The following PTPRG variants were observed in gnomAD, a reference collection of about 807,000 sequenced individuals.
The protein encoded by PTPRG is receptor-type tyrosine-protein phosphatase gamma.
In PTPRG, 102 loss-of-function variants were observed where a neutral mutation model predicts 165.3. The ratio of observed to expected loss-of-function variants is 0.62; its 90% CI spans 0.53 to 0.73. The LOEUF is 0.73. Ranked by LOEUF, PTPRG falls within the 30% of genes least tolerant of loss-of-function variation. The pLI is 0.00. For missense variants in PTPRG, 1,866 were observed against 1,861.4 expected, an observed-to-expected ratio of 1.00 and a Z score of -0.05; for synonymous variants, 675 against 669.5, an observed-to-expected ratio of 1.01 and a Z score of -0.13.
chr3:61,759,099 T>G (rs1224605612), intron 2 of PTPRG, among the ~76,000 whole-genome samples: 1 of 152,182 alleles, frequency 6.6e-6, no homozygotes, highest in Non-Finnish European at 1.5e-5. Context: ...CTTCTCTCTC[T>G]CAGCTGGTAA....
chr3:62,273,874 A>C lies in PTPRG; in HGVS notation c.3465+30A>C. ...TGCTTTGAAAAAGTTTCTTTGGCAT[A>C]AAGCAAGAAAATGTTTTAAATGCCT... On this transcript the variant is annotated intron_variant, in intron 23 of 29. Coordinates refer to ENST00000474889, the MANE Select transcript of PTPRG (RefSeq NM_002841.4). The surrounding 1 kb of genome is among the most constrained non-coding windows in gnomAD (Gnocchi z 4.1). 2 of 1,607,400 alleles carry C rather than the reference A, an allele frequency of 1.2e-6. No individual in the cohort carries two copies. Among genetic ancestry groups the C allele is most frequent in the Non-Finnish European group, 1.7e-6 (2 of 1,175,402 alleles).
At chr3:61,853,667 G>A (rs1165525953) in intron 2 of PTPRG, among the ~76,000 whole-genome samples, 1 of 152,218 alleles carries the variant, frequency 6.6e-6, no homozygotes, top group Non-Finnish European at 1.5e-5. Flanking sequence ...GATAATAAAT[G>A]TTTATTGATG....
At chr3:62,129,859 A>G (rs1703448929) in intron 5 of PTPRG, among the ~76,000 whole-genome samples, 1 of 152,204 alleles carries the variant, frequency 6.6e-6, no homozygotes, top group South Asian at 2.1e-4. Context: ...GGAGGAGCAC[A>G]TGAGTTGATC....
intron 13 of PTPRG, among the ~76,000 whole-genome samples, chr3:62,227,851 T>A (rs1009626990): frequency 1.3e-5 from 2 of 152,342 alleles, no homozygotes; most frequent in South Asian, 2.1e-4. Flanking sequence ...CATGTTTTTT[T>A]AAAATCTTGA....
chr3:61,567,218 T>G (rs560297248), intron 1 of PTPRG, among the ~76,000 whole-genome samples: 1 of 152,144 alleles, frequency 6.6e-6, no homozygotes, highest in Non-Finnish European at 1.5e-5. Context: ...CCACCTTTAA[T>G]TTTCCACCTG....
At chr3:61,571,043 C>T (rs978569726) in intron 1 of PTPRG, among the ~76,000 whole-genome samples, 2 of 152,108 alleles carry the variant, frequency 1.3e-5, no homozygotes, top group African/African-American at 4.8e-5. Flanking sequence ...ACAGCATTTA[C>T]CTTGGGCAAA....
chr3:61,732,936 G>A (rs2032572785), intron 1 of PTPRG, among the ~76,000 whole-genome samples: 1 of 152,138 alleles, frequency 6.6e-6, no homozygotes, highest in Non-Finnish European at 1.5e-5. Context: ...ATGCCTTCCT[G>A]TGTAGGCTGT....
At chr3:62,139,192 C>T (rs532770160) in intron 6 of PTPRG, among the ~76,000 whole-genome samples, 44 of 152,106 alleles carry the variant, frequency 2.9e-4, no homozygotes, top group Non-Finnish European at 4.9e-4. Context: ...CAGCTGGGTA[C>T]AGTGGCTCAC....
intron 5 of PTPRG, among the ~76,000 whole-genome samples, chr3:62,122,374 A>T (rs1371628622): frequency 6.6e-6 from 1 of 152,154 alleles, no homozygotes; most frequent in East Asian, 1.9e-4. Context: ...ATGGCCTGTG[A>T]GGTATTGCTT....
At chr3:61,864,915 T>G (rs887587631) in intron 2 of PTPRG, among the ~76,000 whole-genome samples, 5 of 152,200 alleles carry the variant, frequency 3.3e-5, no homozygotes, top group African/African-American at 1.2e-4. Context: ...AGCTCTGTCA[T>G]GATATTTCAA....
chr3:61,925,468 G>T (rs1324259610), intron 2 of PTPRG, among the ~76,000 whole-genome samples: 1 of 152,234 alleles, frequency 6.6e-6, no homozygotes, highest in Non-Finnish European at 1.5e-5. Context: ...TCAGGGCTGG[G>T]TGCAGTGGCT....
intron 2 of PTPRG, among the ~76,000 whole-genome samples, chr3:61,875,332 G>C (rs1432294486): frequency 1.3e-5 from 2 of 152,120 alleles, no homozygotes; most frequent in African/African-American, 4.8e-5. Context: ...GGTGCTGCCT[G>C]GGGATGGTGT....
intron 2 of PTPRG, among the ~76,000 whole-genome samples, chr3:61,900,626 G>T (rs1309710148): frequency 2.0e-5 from 3 of 152,150 alleles, no homozygotes; most frequent in Non-Finnish European, 4.4e-5. Context: ...AAGACAACTG[G>T]AGGCCCATTA....
chr3:62,196,686 G>T (rs957443385), intron 10 of PTPRG, among the ~76,000 whole-genome samples: 2 of 152,144 alleles, frequency 1.3e-5, no homozygotes, highest in African/African-American at 2.4e-5. Context: ...GGTCCTCTTG[G>T]ATCAGGTCCT....
chr3:62,003,454 C>T lies in PTPRG; in HGVS notation c.476C>T (p.Ala159Val), dbSNP rs367774512. The T allele has an allele frequency of 1.9e-5, 31 of 1,613,820 alleles. No individual in the cohort carries two copies. The highest frequency in any genetic ancestry group is 6.7e-5 in the East Asian group (3 of 44,848). The change falls in exon 4 of 30, where the codon GCG becomes GTG. Residue 159 changes from alanine (A) to valine (V), a missense_variant. Physicochemically the swap from Ala to Val is moderately conservative, Grantham distance 64. Coordinates refer to ENST00000474889, the MANE Select transcript of PTPRG (RefSeq NM_002841.4). ...CACTGGGGCCACAGCAATGGCTCAG[C>T]GGGCTCTGAACACAGCATCAATGGC... Reference protein sequence around the residue: ...EFHWGHSNGSAGSEHSINGRR... With the variant: ...EFHWGHSNGSVGSEHSINGRR...
At chr3:61,685,725 C>T (rs1239469124) in intron 1 of PTPRG, among the ~76,000 whole-genome samples, 1 of 152,112 alleles carries the variant, frequency 6.6e-6, no homozygotes, top group East Asian at 1.9e-4. Context: ...TGTTGGGGTC[C>T]CTATTCTGTC....
At chr3:62,231,647 T>C (rs1168449292) in intron 14 of PTPRG, among the ~76,000 whole-genome samples, 2 of 152,076 alleles carry the variant, frequency 1.3e-5, no homozygotes, top group African/African-American at 2.4e-5. Context: ...TTTTTAGATA[T>C]TTGCATGGTT....
At chr3:61,940,684 G>GAA (rs2039601674) in intron 2 of PTPRG, among the ~76,000 whole-genome samples, 1 of 106,224 alleles carries the variant, frequency 9.4e-6, no homozygotes, top group Admixed American at 1.1e-4. Context: ...TTATTTTTTT[G>GAA]ACAGAGTCTC....
At chr3:62,113,948 G>T (rs1472223900) in intron 5 of PTPRG, among the ~76,000 whole-genome samples, 1 of 152,162 alleles carries the variant, frequency 6.6e-6, no homozygotes, top group Non-Finnish European at 1.5e-5. Context: ...CTGATATGTT[G>T]TATTGATATG....
Sources: allele counts gnomAD v4.1 joint callset (sites outside exome capture counted in the v4.1 genomes callset), GRCh38; gene constraint gnomAD v4.1.1; non-coding constraint Gnocchi (gnomAD v3.1); transcripts MANE v1.5; gene names NCBI Gene and HGNC (gene_info 2026-07-23, HGNC 2026-07-21).